DGKB: variants seen among roughly 807,000 people sequenced by gnomAD.
DGKB encodes the protein diacylglycerol kinase beta, also known as 90 kDa diacylglycerol kinase.
Under a neutral mutation model 114.3 loss-of-function variants are expected in DGKB, and 67 were observed. That is an observed-to-expected ratio of 0.59 (90% confidence interval 0.48 to 0.72). The LOEUF is 0.72. Among genes scored for constraint, DGKB ranks in the 30% least tolerant of loss-of-function variants. The pLI is 0.00. For synonymous variants in DGKB, 398 were observed against 323.1 expected (o/e 1.23, Z -2.49); for missense variants, 907 against 975.2 (o/e 0.93, Z 0.93).
At chr7:14,412,000 A>C (rs149281513) in intron 21 of DGKB, among the ~76,000 whole-genome samples, 51 of 152,284 alleles carry the variant, frequency 3.3e-4, no homozygotes, top group Admixed American at 1.4e-3. Context: ...TTGTATAAGT[A>C]ATAAGTGTTT....
intron 2 of DGKB, among the ~76,000 whole-genome samples, chr7:14,796,822 T>C (rs1210885754): frequency 6.6e-6 from 1 of 152,198 alleles, no homozygotes; most frequent in African/African-American, 2.4e-5. Flanking sequence ...GTCATTCCTC[T>C]TATTAAATAA....
At chr7:14,739,657 A>G (rs1832259059) in intron 4 of DGKB, among the ~76,000 whole-genome samples, 1 of 152,146 alleles carries the variant, frequency 6.6e-6, no homozygotes, top group African/African-American at 2.4e-5. Flanking sequence ...AAGAGCGAGT[A>G]AAATGCGAAC....
intron 13 of DGKB, among the ~76,000 whole-genome samples, chr7:14,631,173 C>T (rs952052534): frequency 1.4e-5 from 2 of 147,848 alleles, no homozygotes; most frequent in Non-Finnish European, 3.0e-5. Context: ...CTGGGCAGTG[C>T]TAGATCACCA....
intron 23 of DGKB, among the ~76,000 whole-genome samples, chr7:14,272,140 G>C (rs547127658): frequency 3.9e-5 from 6 of 152,280 alleles, no homozygotes; most frequent in African/African-American, 1.4e-4. Context: ...AACACTTCAT[G>C]CTAACCAACT....
rs201073214 is a variant in DGKB, at chr7:14,369,430, ATACC to A, written c.1836-24043_1836-24040del. On this transcript the variant is annotated intron_variant, in intron 21 of 25. Transcript: ENST00000402815. Reference sequence around the variant, plus strand: ...GAATGATTTATAATCCTTTGAGTATATACCTAGTAGTGGGATTACTGGGTCAAAT... The same window carrying A: ...GAATGATTTATAATCCTTTGAGTATATAGTAGTGGGATTACTGGGTCAAAT... Among the ~76,000 whole-genome samples the A allele has an allele frequency of 6.9e-3, 1,048 of 152,336 alleles. 14 individuals are homozygous for A. Among genetic ancestry groups the A allele is most frequent in the African/African-American group, 0.024 (986 of 41,580 alleles).
At chr7:14,314,180 GA>G (rs1428332033) in intron 23 of DGKB, among the ~76,000 whole-genome samples, 1 of 152,036 alleles carries the variant, frequency 6.6e-6, no homozygotes, top group Non-Finnish European at 1.5e-5. Context: ...CAAAGATGGG[GA>G]AAAAACAGAA....
rs541071241 is a variant in DGKB, at chr7:14,277,841, C to G, written c.2122+60674G>C. Among the ~76,000 whole-genome samples, 18 of 152,280 alleles carry G rather than the reference C, an allele frequency of 1.2e-4. No individual in the cohort carries two copies. In the South Asian group the frequency reaches 2.3e-3, roughly 19 times the overall value. On this transcript the variant is annotated intron_variant, in intron 23 of 25. Transcript: ENST00000402815. ...CTATTTTTATTTTTTTGAGGAATCT[C>G]TATACCATTTTTCCATAAAGGCTGC...
intron 1 of DGKB, among the ~76,000 whole-genome samples, chr7:14,900,706 T>C (rs1782884141): frequency 6.6e-6 from 1 of 152,190 alleles, no homozygotes; most frequent in Non-Finnish European, 1.5e-5. Context: ...ATGATTTTTA[T>C]AATCTTCCCA....
chr7:14,541,203 G>A (rs1292836388), intron 20 of DGKB, among the ~76,000 whole-genome samples: 1 of 151,868 alleles, frequency 6.6e-6, no homozygotes, highest in Non-Finnish European at 1.5e-5. Flanking sequence ...AATAGCCCAA[G>A]CAAGTGGCAG....
chr7:14,213,344 A>T (rs779392851), intron 23 of DGKB, among the ~76,000 whole-genome samples: 2 of 152,160 alleles, frequency 1.3e-5, no homozygotes, highest in Non-Finnish European at 2.9e-5. Context: ...ATGATTCTCA[A>T]GATAGAGAAA....
intron 2 of DGKB, among the ~76,000 whole-genome samples, chr7:14,833,515 C>T (rs1026593770): frequency 2.0e-5 from 3 of 152,032 alleles, no homozygotes; most frequent in Non-Finnish European, 4.4e-5. Flanking sequence ...TTTAACATCT[C>T]CACAAGGAAA....
chr7:14,253,038 A>AT (rs557165578), intron 23 of DGKB, among the ~76,000 whole-genome samples: 3,436 of 142,344 alleles, frequency 0.024, 110 homozygotes, highest in African/African-American at 0.078. Context: ...GTTTAAATTC[A>AT]TTTTTTTTTT....
chr7:14,393,052 G>C (rs765332436), intron 21 of DGKB, among the ~76,000 whole-genome samples: 1 of 121,560 alleles, frequency 8.2e-6, no homozygotes, highest in Non-Finnish European at 1.6e-5. Context: ...GCAGTGGCAC[G>C]ATCTCGGCTC....
intron 9 of DGKB, among the ~76,000 whole-genome samples, chr7:14,690,472 A>C (rs1433084616): frequency 6.6e-6 from 1 of 152,248 alleles, no homozygotes; most frequent in Non-Finnish European, 1.5e-5. Flanking sequence ...AAATGAATTA[A>C]AATAAATTAA....
chr7:14,166,219 C>A (rs1188287012), intron 25 of DGKB, among the ~76,000 whole-genome samples: 1 of 152,116 alleles, frequency 6.6e-6, no homozygotes, highest in Non-Finnish European at 1.5e-5. Context: ...TACCTAAAAC[C>A]TTAATCTTAT....
Position 14,583,087 on chromosome 7 carries a change from C to G in DGKB, c.1484G>C (p.Gly495Ala). ...CAAAACCCAGCCCACGGTTCCATCT[C>G]CACCACAGGCTAACACTCTGAAGTC... Reference protein sequence around the residue: ...VPDFRVLACGGDGTVGWVLDC... With the variant: ...VPDFRVLACGADGTVGWVLDC... The change falls in exon 18 of 26, where the codon GGA (glycine) becomes GCA (alanine). Residue 495 changes from glycine (G) to alanine (A), a missense_variant. Transcript: ENST00000402815. 6.2e-7 allele frequency: 1 copy of G among 1,613,482 alleles called. No homozygotes were observed. Among genetic ancestry groups the G allele is most frequent in the Non-Finnish European group, 8.5e-7 (1 of 1,179,618 alleles).
At chr7:14,694,949 T>G (rs1022537513) in intron 8 of DGKB, among the ~76,000 whole-genome samples, 1 of 152,192 alleles carries the variant, frequency 6.6e-6, no homozygotes, top group African/African-American at 2.4e-5. Context: ...AGCAAAGTAC[T>G]TCCCATCTAA....
chr7:14,739,212 C>G (rs1454930404), intron 4 of DGKB, among the ~76,000 whole-genome samples: 1 of 152,190 alleles, frequency 6.6e-6, no homozygotes, highest in African/African-American at 2.4e-5. Flanking sequence ...GGAAGGTCCC[C>G]GGAGAACCTC....
intron 20 of DGKB, among the ~76,000 whole-genome samples, chr7:14,539,622 C>T (rs187670705): frequency 1.1e-4 from 16 of 152,190 alleles, no homozygotes; most frequent in East Asian, 7.7e-4. Context: ...TCAAATCTTA[C>T]ATAACATACA....
Sources: allele counts gnomAD v4.1 joint callset (sites outside exome capture counted in the v4.1 genomes callset), GRCh38; gene constraint gnomAD v4.1.1; transcripts MANE v1.5; gene names NCBI Gene and HGNC (gene_info 2026-07-23, HGNC 2026-07-21).